FBXO16: variants seen among roughly 807,000 people sequenced by gnomAD.
FBXO16 encodes the protein F-box protein 16.
Under a neutral mutation model 41.0 loss-of-function variants are expected in FBXO16, and 31 were observed. The ratio of observed to expected loss-of-function variants is 0.76; its 90% CI spans 0.57 to 1.02. The LOEUF is 1.02. Ranked by LOEUF, FBXO16 falls within the 50% of genes least tolerant of loss-of-function variation. The probability of loss-of-function intolerance (pLI) is 0.00; values close to 1 mark genes in which losing one functional copy is unlikely to be tolerated. For missense variants in FBXO16, 361 were observed against 346.2 expected, an observed-to-expected ratio of 1.04 and a Z score of -0.34; for synonymous variants, 133 against 117.8, an observed-to-expected ratio of 1.13 and a Z score of -0.84.
intron 2 of FBXO16, among the ~76,000 whole-genome samples, chr8:28,481,467 C>T (rs1205128053): frequency 6.6e-6 from 1 of 152,160 alleles, no homozygotes; most frequent in Non-Finnish European, 1.5e-5. Flanking sequence ...AGACACTTCT[C>T]TGTGTGCCTC....
chr8:28,468,176 T>TG (rs1364133517), intron 3 of FBXO16, among the ~76,000 whole-genome samples: 1 of 152,198 alleles, frequency 6.6e-6, no homozygotes, highest in African/African-American at 2.4e-5. Flanking sequence ...TGTATGAGAT[T>TG]GGGGGACCGT....
intron 5 of FBXO16, among the ~76,000 whole-genome samples, chr8:28,454,753 G>GAAAAAAA (rs1563363014): frequency 6.9e-5 from 4 of 58,342 alleles, no homozygotes; most frequent in African/African-American, 2.0e-4. Context: ...AAAAAAAAAG[G>GAAAAAAA]ATCATTAATT....
intron 3 of FBXO16, 151 bp from the exon 4 acceptor site, chr8:28,463,969 G>T: frequency 1.3e-6 from 1 of 759,014 alleles, no homozygotes; most frequent in Non-Finnish European, 2.1e-6. Context: ...TCCATGCTTT[G>T]CCACCTATCT....
In FBXO16 at chr8:28,452,386, G is replaced by C; in HGVS notation, c.598C>G (p.Arg200Gly). The C allele has an allele frequency of 6.2e-7, 1 of 1,614,222 alleles. No individual in the cohort carries two copies. Among genetic ancestry groups the C allele is most frequent in the East Asian group, 2.2e-5 (1 of 44,890 alleles). Reference protein sequence around the residue: ...EEKQSPLSAFRSSSSLRKKNN... With the variant: ...EEKQSPLSAFGSSSSLRKKNN... ...TTCTTTCTTAAAGAGGAAGAGGACCGAAAAGCTGATAAAGGGGACTGTTTT... is the reference window on the plus strand; with the variant it reads ...TTCTTTCTTAAAGAGGAAGAGGACCCAAAAGCTGATAAAGGGGACTGTTTT... Residue 200 changes from arginine (R) to glycine (G), a missense_variant, in exon 6 of 9, where the codon CGG (arginine) becomes GGG (glycine). By Grantham distance (125) the Arg-to-Gly change is moderately radical (BLOSUM62 -2). Coordinates refer to ENST00000380254, the MANE Select transcript of FBXO16 (RefSeq NM_172366.4).
At chr8:28,445,358 G>A (rs561930145) in intron 7 of FBXO16, among the ~76,000 whole-genome samples, 2 of 152,272 alleles carry the variant, frequency 1.3e-5, no homozygotes, top group South Asian at 2.1e-4. Flanking sequence ...GATGGTTAAT[G>A]TCAAAAGCCC....
chr8:28,443,799 T>C (rs551332652), intron 7 of FBXO16, among the ~76,000 whole-genome samples: 1 of 152,214 alleles, frequency 6.6e-6, no homozygotes, highest in Non-Finnish European at 1.5e-5. Flanking sequence ...AAAACCAAGA[T>C]GGCGACAGGA....
chr8:28,456,661 G>A, intron 5 of FBXO16, 105 bp downstream of exon 5: 1 of 1,299,126 alleles, frequency 7.7e-7, no homozygotes, highest in Admixed American at 2.0e-5. Context: ...TATGTCCTTT[G>A]AACTACCTCC....
intron 7 of FBXO16, among the ~76,000 whole-genome samples, chr8:28,434,987 C>A (rs891559728): frequency 1.3e-5 from 2 of 152,196 alleles, no homozygotes; most frequent in Non-Finnish European, 2.9e-5. Context: ...GCCCAATGGA[C>A]GGCAGCATGT....
At chr8:28,456,524 G>T in intron 5 of FBXO16, 1 of 401,622 alleles carries the variant, frequency 2.5e-6, no homozygotes, top group Non-Finnish European at 4.5e-6. Flanking sequence ...AGAGAAAGAA[G>T]TTCCATGGTC....
In FBXO16 at chr8:28,435,101, G is replaced by C. The variant is rs569935367; in HGVS notation, c.844-5698C>G. On this transcript the variant is annotated intron_variant, in intron 7 of 8. Transcript: ENST00000380254. ...ACCTTTTTGGTACCCACACTTGGTG[G>C]GTCCTGAGCTCTTGCCCAGCATCCG... Among the ~76,000 whole-genome samples the C allele has an allele frequency of 2.0e-5, 3 of 152,254 alleles. No individual in the cohort carries two copies. In the South Asian group the frequency reaches 6.2e-4, roughly 32 times the overall value.
At chr8:28,471,003 G>A (rs1254709480) in intron 3 of FBXO16, among the ~76,000 whole-genome samples, 1 of 152,144 alleles carries the variant, frequency 6.6e-6, no homozygotes, top group Non-Finnish European at 1.5e-5. Context: ...GAAGCTGAGA[G>A]AAAATCTGAG....
chr8:28,444,654 T>A (rs1054451490), intron 7 of FBXO16, among the ~76,000 whole-genome samples: 3 of 129,356 alleles, frequency 2.3e-5, no homozygotes, highest in African/African-American at 1.4e-4. Flanking sequence ...ATTTTTTGTA[T>A]TTTTTTTAGT....
In FBXO16 at chr8:28,434,842, G is replaced by A. The variant is rs146947152; in HGVS notation, c.844-5439C>T. On this transcript the variant is annotated intron_variant, in intron 7 of 8. Transcript: ENST00000380254. The stretch of plus-strand genomic sequence containing the variant: ...AAGCTCAAACACAGGAGCAAGCTCC[G>A]TGCAGGGCCCGAGGCCAGGCCAGGC... Among the ~76,000 whole-genome samples, 220 of 152,352 alleles carry A rather than the reference G, an allele frequency of 1.4e-3. 1 individual carries two copies. Among genetic ancestry groups the A allele is most frequent in the African/African-American group, 4.9e-3 (205 of 41,588 alleles).
chr8:28,431,642 T>C (rs997409280), intron 7 of FBXO16, among the ~76,000 whole-genome samples: 3 of 152,160 alleles, frequency 2.0e-5, no homozygotes, highest in Admixed American at 1.3e-4. Context: ...AAGAAGCATC[T>C]TAGCGGGCTA....
At chr8:28,474,979 A>T (rs1803402001) in intron 2 of FBXO16, among the ~76,000 whole-genome samples, 1 of 152,186 alleles carries the variant, frequency 6.6e-6, no homozygotes. Flanking sequence ...GTGGCAGAGA[A>T]GGGGGTTATT....
chr8:28,484,011 G>T (rs1213432475), intron 1 of FBXO16, among the ~76,000 whole-genome samples: 2 of 152,154 alleles, frequency 1.3e-5, no homozygotes, highest in African/African-American at 2.4e-5. Flanking sequence ...TACACACGAG[G>T]AAGATTTGGC....
intron 6 of FBXO16, among the ~76,000 whole-genome samples, chr8:28,451,396 T>G (rs1357650871): frequency 1.5e-5 from 2 of 136,952 alleles, no homozygotes; most frequent in African/African-American, 5.3e-5. Flanking sequence ...TTTTTTTTTG[T>G]TTTTTGTTTT....
intron 3 of FBXO16, among the ~76,000 whole-genome samples, chr8:28,464,104 A>C (rs140650146): frequency 5.3e-5 from 8 of 152,316 alleles, no homozygotes; most frequent in Middle Eastern, 3.4e-3. Flanking sequence ...CAAACTGAGA[A>C]TATATCTGCT....
chr8:28,441,067 G>A (rs998019466), intron 7 of FBXO16, among the ~76,000 whole-genome samples: 1 of 152,150 alleles, frequency 6.6e-6, no homozygotes, highest in Admixed American at 6.6e-5. Flanking sequence ...ATGTGTAAAT[G>A]GAGTAGAATT....
Sources: allele counts gnomAD v4.1 joint callset (sites outside exome capture counted in the v4.1 genomes callset), GRCh38; gene constraint gnomAD v4.1.1; transcripts MANE v1.5; gene names NCBI Gene and HGNC (gene_info 2026-07-23, HGNC 2026-07-21).